The following ELAVL2 variants were observed in gnomAD, a reference collection of about 807,000 sequenced individuals.
The protein encoded by ELAVL2 is ELAV like RNA binding protein 2, also known as ELAV-like protein 2.
ELAVL2 carries 4 observed loss-of-function variants against 34.6 expected under a neutral mutation model. The observed-to-expected ratio is 0.12, with a 90% CI of 0.06 to 0.26. The LOEUF is 0.26. ELAVL2 is among the 10% of genes least tolerant of loss of function. The pLI is 1.00. For missense variants in ELAVL2, 432 were observed against 442.8 expected, an observed-to-expected ratio of 0.98 and a Z score of 0.22; for synonymous variants, 193 against 154.8, an observed-to-expected ratio of 1.25 and a Z score of -1.83.
intron 2 of ELAVL2, among the ~76,000 whole-genome samples, chr9:23,739,876 T>C (rs1302285030): frequency 6.6e-6 from 1 of 152,082 alleles, no homozygotes; most frequent in Non-Finnish European, 1.5e-5. Context: ...ACAAGATCAT[T>C]TTTTAACTCA....
the ELAVL2 span, among the ~76,000 whole-genome samples, chr9:23,841,113 A>C: frequency 6.6e-6 from 1 of 152,148 alleles, no homozygotes; most frequent in Non-Finnish European, 1.5e-5. Flanking sequence ...TGTTACCTTG[A>C]AAGGGAAAGA....
chr9:23,756,024 A>G (rs2053473115), intron 2 of ELAVL2, among the ~76,000 whole-genome samples: 1 of 152,166 alleles, frequency 6.6e-6, no homozygotes, highest in South Asian at 2.1e-4. Flanking sequence ...GAAGGTTCCC[A>G]TTAGTCTAAT....
intron 2 of ELAVL2, among the ~76,000 whole-genome samples, chr9:23,751,821 A>G (rs1236866351): frequency 6.6e-6 from 1 of 152,176 alleles, no homozygotes; most frequent in Non-Finnish European, 1.5e-5. Context: ...TGAAACATTC[A>G]CACAATACCA....
chr9:23,753,470 AG>A (rs1377698974), intron 2 of ELAVL2, among the ~76,000 whole-genome samples: 1 of 152,198 alleles, frequency 6.6e-6, no homozygotes, highest in African/African-American at 2.4e-5. Context: ...GTCATAGTTA[AG>A]GTAGTGAAAT....
At chr9:23,818,051 A>G (rs924820828) in intron 1 of ELAVL2, among the ~76,000 whole-genome samples, 7 of 152,216 alleles carry the variant, frequency 4.6e-5, no homozygotes, top group African/African-American at 1.4e-4. Context: ...TTCCCAAATT[A>G]GAACATACAA....
chr9:23,750,421 CAACAAATAATAAAGAATATA>C (rs1226647809), intron 2 of ELAVL2, among the ~76,000 whole-genome samples: 3 of 151,946 alleles, frequency 2.0e-5, no homozygotes, highest in African/African-American at 7.3e-5. Context: ...AAAAAAAGGA[CAACAAATAATAAAGAATATA>C]AAGGTCTAAA....
chr9:23,736,637 C>T (rs765330414), intron 2 of ELAVL2, among the ~76,000 whole-genome samples: 1 of 152,164 alleles, frequency 6.6e-6, no homozygotes, highest in African/African-American at 2.4e-5. Context: ...ACCCGCATCA[C>T]GTTCTGCCAG....
At chr9:23,749,801 T>C (rs923568602) in intron 2 of ELAVL2, among the ~76,000 whole-genome samples, 1 of 152,104 alleles carries the variant, frequency 6.6e-6, no homozygotes, top group South Asian at 2.1e-4. Context: ...TTGGTCCTGC[T>C]TGCTAGATAG....
intron 1 of ELAVL2, among the ~76,000 whole-genome samples, chr9:23,774,301 T>TC (rs1210614551): frequency 2.0e-5 from 3 of 151,308 alleles, no homozygotes; most frequent in African/African-American, 7.3e-5. Flanking sequence ...CAGTTTTTCT[T>TC]CCCCCCACAT....
At chr9:23,730,268 T>G (rs1212400204) in intron 3 of ELAVL2, among the ~76,000 whole-genome samples, 4 of 152,114 alleles carry the variant, frequency 2.6e-5, no homozygotes, top group Admixed American at 2.6e-4. Flanking sequence ...ACATAAGAAT[T>G]TCAAAGATTC....
At chr9:23,703,102 T>C (rs1315962101) in intron 4 of ELAVL2, among the ~76,000 whole-genome samples, 1 of 151,994 alleles carries the variant, frequency 6.6e-6, no homozygotes, top group Non-Finnish European at 1.5e-5. Flanking sequence ...GCCCAATAAT[T>C]TGCATTTTTA....
chr9:23,739,035 A>C (rs1160345772), intron 2 of ELAVL2, among the ~76,000 whole-genome samples: 1 of 152,178 alleles, frequency 6.6e-6, no homozygotes, highest in East Asian at 1.9e-4. Context: ...TCAGTCTTAG[A>C]CTATTGAGAA....
chr9:23,706,805 ATAATT>A, intron 3 of ELAVL2, among the ~76,000 whole-genome samples: 1 of 152,308 alleles, frequency 6.6e-6, no homozygotes, highest in East Asian at 1.9e-4. Context: ...CATTTTCCCC[ATAATT>A]TGAATTGTGC....
chr9:23,838,636 TACTG>T, the ELAVL2 span, among the ~76,000 whole-genome samples: 266 of 152,286 alleles, frequency 1.7e-3, 3 homozygotes, highest in African/African-American at 6.0e-3. Flanking sequence ...TTCCTTCCCT[TACTG>T]ACTATCTGTA....
Position 23,783,380 on chromosome 9 carries a change from C to T in ELAVL2, c.-15-21131G>A, listed in dbSNP as rs148494653. 169 of 941,472 alleles carry T rather than the reference C, an allele frequency of 1.8e-4. 1 individual carries two copies. In the African/African-American group the frequency reaches 2.7e-3, roughly 15 times the overall value. 58.3% of individuals were successfully genotyped at this position (941,472 alleles called of 1,614,324 possible). On this transcript the variant is annotated intron_variant, in intron 1 of 6. Coordinates refer to ENST00000397312, the MANE Select transcript of ELAVL2 (RefSeq NM_004432.5). ...TTAAATGGAGTAACTCCAAGGAAAA[C>T]CGAAAGTTAAACTGAAGAAAAACAT... is the stretch of plus-strand genomic sequence containing the variant.
At chr9:23,732,293 C>A (rs989066883) in intron 2 of ELAVL2, among the ~76,000 whole-genome samples, 1 of 152,212 alleles carries the variant, frequency 6.6e-6, no homozygotes, top group East Asian at 1.9e-4. Flanking sequence ...ATACTTGTTA[C>A]CACATAAACG....
intron 2 of ELAVL2, among the ~76,000 whole-genome samples, chr9:23,758,828 C>T (rs753587064): frequency 6.6e-6 from 1 of 151,944 alleles, no homozygotes; most frequent in African/African-American, 2.4e-5. Flanking sequence ...GAGTATGGAT[C>T]TTAAATAAAG....
At chr9:23,761,985 C>T (rs2055122546) in intron 2 of ELAVL2, 21 bp downstream of exon 2, 2 of 1,593,334 alleles carry the variant, frequency 1.3e-6, no homozygotes, top group Non-Finnish European at 1.7e-6. Context: ...AAATATAAAT[C>T]ATCTACATAA....
At chr9:23,822,033 G>A (rs2064869632) in intron 1 of ELAVL2, among the ~76,000 whole-genome samples, 1 of 151,852 alleles carries the variant, frequency 6.6e-6, no homozygotes, top group East Asian at 2.0e-4. Flanking sequence ...GTCTCACCAG[G>A]CTTCCCCGAC....
Sources: allele counts gnomAD v4.1 joint callset (sites outside exome capture counted in the v4.1 genomes callset), GRCh38; gene constraint gnomAD v4.1.1; transcripts MANE v1.5; gene names NCBI Gene and HGNC (gene_info 2026-07-23, HGNC 2026-07-21).